COQ6: variants seen among roughly 807,000 people sequenced by gnomAD.
The protein encoded by COQ6 is coenzyme Q6, monooxygenase.
Under a neutral mutation model 55.5 loss-of-function variants are expected in COQ6, and 45 were observed. That is an observed-to-expected ratio of 0.81 (90% CI 0.64 to 1.04). The LOEUF is 1.04. COQ6 is among the 50% of genes least tolerant of loss of function. The pLI, the probability that COQ6 is intolerant of heterozygous loss-of-function variation, is 0.00. For synonymous variants in COQ6, 206 were observed against 230.5 expected, an observed-to-expected ratio of 0.89 and a Z score of 0.96; for missense variants, 550 against 601.3, an observed-to-expected ratio of 0.91 and a Z score of 0.89.
At chr14:73,950,225 G>T (rs1363610974), upstream of COQ6, 1 of 1,539,670 alleles carries the variant, frequency 6.5e-7, no homozygotes, top group East Asian at 2.4e-5. Context: ...TTTTATTTCC[G>T]GTTCTGAGGA....
At chr14:73,955,263 CT>C in intron 2 of COQ6, 187 bp from the exon 3 acceptor site, 1 of 644,026 alleles carries the variant, frequency 1.6e-6, no homozygotes, top group Non-Finnish European at 2.8e-6. Context: ...GAAGCTGGGT[CT>C]TTTTTCATGC....
At chr14:73,958,799 G>A in intron 5 of COQ6, 172 bp from the exon 6 acceptor site, 1 of 1,514,584 alleles carries the variant, frequency 6.6e-7, no homozygotes, top group Non-Finnish European at 8.8e-7. Flanking sequence ...GGCTGAGGCT[G>A]ATGTGACAGT....
chr14:73,959,974 G>A lies in COQ6; in HGVS notation c.891+452G>A, dbSNP rs2056636341. 14 of 1,043,976 alleles carry A rather than the reference G, an allele frequency of 1.3e-5. No individual in the cohort carries two copies. In the South Asian group the frequency reaches 2.1e-4, roughly 15 times the overall value. The allele number at this position is 1,043,976 out of a possible 1,614,324, so 64.7% of individuals were successfully genotyped here. On this transcript the variant is annotated intron_variant, in intron 8 of 11. Coordinates refer to ENST00000334571, the MANE Select transcript of COQ6 (RefSeq NM_182476.3). ...AGATTATGTGGAGGAGTGTACACAC[G>A]GAAATGCAAAACAATAGAAATAATA...
At chr14:73,949,926 CCT>C (rs1004733267), upstream of COQ6, 4 of 1,608,578 alleles carry the variant, frequency 2.5e-6, no homozygotes, top group African/African-American at 4.0e-5. Context: ...CCAACAGTTT[CCT>C]CTCCGGGATT....
chr14:73,961,042 G>T, intron 8 of COQ6, 131 bp from the exon 9 acceptor site: 1 of 1,047,102 alleles, frequency 9.6e-7, no homozygotes, highest in Non-Finnish European at 1.4e-6. Flanking sequence ...CTTATCACTT[G>T]TCAAGATCAG....
intron 8 of COQ6, chr14:73,960,308 T>C (rs770173642): frequency 1.0e-6 from 1 of 986,054 alleles, no homozygotes; most frequent in Admixed American, 6.1e-5. Context: ...TTTTGTAAAA[T>C]CCATGGAACA....
intron 2 of COQ6, among the ~76,000 whole-genome samples, chr14:73,954,631 C>T (rs1196303884): frequency 6.6e-6 from 1 of 151,936 alleles, no homozygotes; most frequent in East Asian, 1.9e-4. Context: ...ATCACAGGGT[C>T]AGGCGATCGA....
intron 1 of COQ6, 107 bp downstream of exon 1, chr14:73,950,602 C>A (rs893648820): frequency 6.9e-7 from 1 of 1,450,354 alleles, no homozygotes; most frequent in Non-Finnish European, 9.2e-7. Context: ...TCTCAGGTCT[C>A]GCGACGCTTC....
intron 8 of COQ6, chr14:73,960,434 T>G: frequency 1.0e-6 from 1 of 988,862 alleles, no homozygotes; most frequent in Non-Finnish European, 1.2e-6. Flanking sequence ...CAAAGCCTGC[T>G]ACCTTCACAC....
chr14:73,958,218 T>A lies in COQ6; in HGVS notation c.553T>A (p.Ser185Thr), dbSNP rs1468285846. Residue 185 changes from serine (S) to threonine (T), a missense_variant, in exon 5 of 12, where the codon TCC becomes ACC. Coordinates refer to ENST00000334571, the MANE Select transcript of COQ6 (RefSeq NM_182476.3). ...GCCTTGTCCATTTCCTATGGCCGAC[T>A]CCAGCCCTTGGGTTCATATTACCCT... is the stretch of plus-strand genomic sequence containing the variant. ...TWPCPFPMAD[S>T]SPWVHITLGD... 3.1e-6 allele frequency: 5 copies of A among 1,614,002 alleles called. No individual in the cohort carries two copies. In the East Asian group the frequency reaches 6.7e-5, roughly 22 times the overall value.
chr14:73,961,993 G>T, intron 11 of COQ6, 90 bp downstream of exon 11: 1 of 1,479,884 alleles, frequency 6.8e-7, no homozygotes, highest in South Asian at 1.1e-5. Flanking sequence ...TATCGCCCAG[G>T]ATGGAGTGCA....
rs1157204304 is a variant in COQ6, at chr14:73,954,866, A to G, written c.299-585A>G. The stretch of plus-strand genomic sequence containing the variant: ...CTCAAAAAAAAAAAAAAAAAAATAC[A>G]TGGATTTGGTTTTCGTTTTTAATTT... On this transcript the variant is annotated intron_variant, in intron 2 of 11. Coordinates refer to ENST00000334571, the MANE Select transcript of COQ6 (RefSeq NM_182476.3). Among the ~76,000 whole-genome samples, 3 of 145,284 alleles carry G rather than the reference A, an allele frequency of 2.1e-5. No homozygotes were observed. The East Asian group carries it at 6.1e-4, about 29-fold the overall frequency.
chr14:73,959,017 T>C lies in COQ6; in HGVS notation c.659T>C (p.Ile220Thr). The C allele has an allele frequency of 6.2e-7, 1 of 1,614,156 alleles. No homozygotes were observed. Among genetic ancestry groups the C allele is most frequent in the African/African-American group, 1.3e-5 (1 of 75,036 alleles). The part of the protein sequence containing the change: ...HNSGVRQAVG[I>T]QNVSWNYDQS... ...TCCGGAGTACGGCAGGCTGTTGGAA[T>C]CCAGAATGTGAGCTGGAACTATGAC... The change falls in exon 6 of 12, where the codon ATC becomes ACC. Residue 220 changes from isoleucine (I) to threonine (T), a missense_variant. Physicochemically the swap from Ile to Thr is moderately conservative, Grantham distance 89. Coordinates refer to ENST00000334571, the MANE Select transcript of COQ6 (RefSeq NM_182476.3).
intron 1 of COQ6, among the ~76,000 whole-genome samples, chr14:73,952,368 C>T (rs1034066074): frequency 6.6e-6 from 1 of 152,082 alleles, no homozygotes; most frequent in Admixed American, 6.5e-5. Context: ...ACTGATCCAT[C>T]ACCTCAGTCT....
intron 1 of COQ6, among the ~76,000 whole-genome samples, chr14:73,953,100 AAAG>A (rs1444784088): frequency 2.0e-5 from 3 of 152,232 alleles, no homozygotes; most frequent in Non-Finnish European, 2.9e-5. Flanking sequence ...TGGAGATTGA[AAAG>A]AACTGGTGTT....
rs2056821302 is a variant in COQ6 at position 73,962,963 on chromosome 14, T to C, written c.1378-7T>C. On this transcript the variant is annotated splice_polypyrimidine_tract_variant and splice_region_variant and intron_variant, in intron 11 of 11. Transcript: ENST00000334571. ...AAGAGTTTCATTCACTTTTATTTTT[T>C]CTCCAGGAACAGATTATGGCCTTTG... The C allele has an allele frequency of 1.9e-6, 3 of 1,603,476 alleles. No homozygotes were observed. The highest frequency in any genetic ancestry group is 2.2e-5 in the South Asian group (2 of 90,822).
At position 73,961,479 on chromosome 14, in the gene COQ6, G is replaced by A. The variant is rs760209040; in HGVS notation, c.1119G>A (p.Pro373=). 5.0e-6 allele frequency: 8 copies of A among 1,614,076 alleles called. No homozygotes were observed. In the East Asian group the frequency reaches 8.9e-5, roughly 18 times the overall value. The change falls in exon 10 of 12, where the codon CCG becomes CCA. Residue 373 remains proline, a synonymous_variant. Transcript: ENST00000334571. ...GGGATGCAGCCCACAGAGTCCATCC[G>A]CTTGCAGGACAGGGTGTCAACATGG... ...LIGDAAHRVH[P]LAGQGVNMGF... is the part of the protein sequence containing the mutation.
At position 73,961,171 on chromosome 14, in the gene COQ6, A is replaced by C. The variant is rs769863518; in HGVS notation, c.892-2A>C. On this transcript the variant is annotated splice_acceptor_variant, in intron 8 of 11. Transcript: ENST00000334571. LOFTEE classifies it high-confidence loss of function. ...GTTTGTCTTGTGGCTGATGCTGCTC[A>C]GTGGAGTGATGCTGACCACACGGAC... The C allele has an allele frequency of 1.9e-6, 3 of 1,613,132 alleles. No individual in the cohort carries two copies. Among genetic ancestry groups the C allele is most frequent in the Non-Finnish European group, 2.5e-6 (3 of 1,179,770 alleles).
chr14:73,960,219 G>A (rs2056650572), intron 8 of COQ6: 5 of 987,474 alleles, frequency 5.1e-6, no homozygotes, highest in Non-Finnish European at 6.0e-6. Context: ...AGTAAGCTTA[G>A]TAGATAGATG....
Sources: gnomAD v4.1 joint callset for allele counts (sites outside exome capture counted in the v4.1 genomes callset) on GRCh38, gnomAD v4.1.1 for gene constraint, MANE v1.5 for transcripts, NCBI Gene and HGNC (gene_info 2026-07-23, HGNC 2026-07-21) for gene names.